The following NRXN3 variants were observed in gnomAD, a reference collection of about 807,000 sequenced individuals.
The protein encoded by NRXN3 is neurexin III.
In NRXN3, 32 loss-of-function variants were observed where a neutral mutation model predicts 137.6. The observed-to-expected ratio is 0.23, with a 90% CI of 0.18 to 0.31. NRXN3 has a LOEUF of 0.31. Ranked by LOEUF, NRXN3 falls within the 10% of genes least tolerant of loss-of-function variation. The pLI, the probability that NRXN3 is intolerant of heterozygous loss-of-function variation, is 1.00. For synonymous variants in NRXN3, 798 were observed against 784.5 expected, an observed-to-expected ratio of 1.02 and a Z score of -0.29; for missense variants, 1,574 against 2,062.5, an observed-to-expected ratio of 0.76 and a Z score of 4.59.
Position 79,864,509 on chromosome 14 carries a change from A to G in NRXN3, c.*2545A>G, listed in dbSNP as rs1727014387. ...TGTCATATCTTATTAAAAGCCGAGT[A>G]AGAGCTAGACCACTTTCATGTGATA... is the stretch of plus-strand genomic sequence containing the variant. On this transcript the variant is annotated 3_prime_UTR_variant, in exon 21 of 21. Coordinates refer to ENST00000335750, the MANE Select transcript of NRXN3 (RefSeq NM_001330195.2). 6.6e-6 allele frequency: 1 copy of G among 152,630 alleles called. No homozygotes were observed. The highest frequency in any genetic ancestry group is 6.5e-5 in the Admixed American group (1 of 15,284). 9.5% of individuals were successfully genotyped at this position (152,630 alleles called of 1,614,324 possible). A position where few individuals can be genotyped will look rare whatever the true frequency, so the allele number is the denominator to read the frequency against.
intron 15 of NRXN3, among the ~76,000 whole-genome samples, chr14:79,124,652 C>G (rs1050101124): frequency 1.3e-5 from 2 of 152,078 alleles, no homozygotes; most frequent in African/African-American, 4.8e-5. Context: ...TGGGACTTCC[C>G]CAGGCAAACA....
intron 15 of NRXN3, chr14:79,280,845 G>A: frequency 3.2e-6 from 1 of 314,516 alleles, no homozygotes; most frequent in African/African-American, 2.1e-5. Context: ...CCACCCCCAC[G>A]GAGACAGGCA....
chr14:78,333,722 T>A (rs1339924459), intron 4 of NRXN3, among the ~76,000 whole-genome samples: 1 of 151,942 alleles, frequency 6.6e-6, no homozygotes, highest in African/African-American at 2.4e-5. Context: ...GTGGTTGAGG[T>A]GTGTGTGGGG....
At chr14:79,828,336 A>G (rs939084801) in intron 20 of NRXN3, among the ~76,000 whole-genome samples, 1 of 151,972 alleles carries the variant, frequency 6.6e-6, no homozygotes, top group Admixed American at 6.5e-5. Flanking sequence ...AAAAAGTGAC[A>G]TGGCTGGGCA....
intron 4 of NRXN3, among the ~76,000 whole-genome samples, chr14:78,337,439 G>A (rs1225064387): frequency 6.6e-6 from 1 of 152,154 alleles, no homozygotes; most frequent in Non-Finnish European, 1.5e-5. Context: ...TGAGAGAAAA[G>A]GAAGGTAATG....
chr14:78,606,867 T>G lies in NRXN3; in HGVS notation c.758-38253T>G, dbSNP rs2097257399. On this transcript the variant is annotated intron_variant, in intron 4 of 20. Coordinates refer to ENST00000335750, the MANE Select transcript of NRXN3 (RefSeq NM_001330195.2). ...TTGGGGAATAAAAAAGTATGATGATTGTTTTTAAGTAACGTATAAACCTAA... is the reference window on the plus strand; with the variant it reads ...TTGGGGAATAAAAAAGTATGATGATGGTTTTTAAGTAACGTATAAACCTAA... Among the ~76,000 whole-genome samples, 8 of 152,354 alleles carry G rather than the reference T, an allele frequency of 5.3e-5. No individual in the cohort carries two copies. The South Asian group carries it at 1.4e-3, about 28-fold the overall frequency.
chr14:78,639,164 A>ATAG (rs1414825264), intron 4 of NRXN3, among the ~76,000 whole-genome samples: 1 of 152,248 alleles, frequency 6.6e-6, no homozygotes, highest in Non-Finnish European at 1.5e-5. Flanking sequence ...AGGCAAGGCA[A>ATAG]TAGTAGCCCA....
At chr14:79,180,234 G>A (rs902962742) in intron 15 of NRXN3, among the ~76,000 whole-genome samples, 14 of 152,144 alleles carry the variant, frequency 9.2e-5, no homozygotes, top group African/African-American at 3.4e-4. Context: ...TGACAATGTA[G>A]TCCAGTTGCC....
chr14:79,701,602 T>G (rs2098754808), intron 19 of NRXN3, among the ~76,000 whole-genome samples: 1 of 152,030 alleles, frequency 6.6e-6, no homozygotes, highest in African/African-American at 2.4e-5. Context: ...AGAGAGTACT[T>G]CCAGGGGCAG....
intron 19 of NRXN3, among the ~76,000 whole-genome samples, chr14:79,803,931 GTGTATATATATA>G (rs1347387265): frequency 2.1e-5 from 3 of 140,742 alleles, no homozygotes; most frequent in African/African-American, 5.4e-5. Context: ...ATATATGTGT[GTGTATATATATA>G]TGTATATATA....
chr14:78,484,995 G>T lies in NRXN3; in HGVS notation c.758-160125G>T, dbSNP rs1304978130. ...AGCACACTCCTTTGGGATGGGCTCA[G>T]TCACCCTTATAATGCATTAACTCTT... On this transcript the variant is annotated intron_variant, in intron 4 of 20. Coordinates refer to ENST00000335750, the MANE Select transcript of NRXN3 (RefSeq NM_001330195.2). Among the ~76,000 whole-genome samples the T allele has an allele frequency of 2.6e-5, 4 of 152,156 alleles. No individual in the cohort carries two copies. The East Asian group carries it at 7.7e-4, about 29-fold the overall frequency.
At chr14:78,562,748 A>G (rs948419004) in intron 4 of NRXN3, among the ~76,000 whole-genome samples, 14 of 152,206 alleles carry the variant, frequency 9.2e-5, no homozygotes, top group African/African-American at 3.4e-4. Context: ...GAGAAATAAC[A>G]TTGTTTTAAG....
At chr14:79,138,522 C>T (rs11845182) in intron 15 of NRXN3, among the ~76,000 whole-genome samples, 149,649 of 152,338 alleles carry the variant, frequency 0.98, 73,556 homozygotes, top group Middle Eastern at 1. Context: ...AGTGCAATGA[C>T]TCTTGAAGAT....
At chr14:78,647,219 G>A (rs568672965) in intron 5 of NRXN3, among the ~76,000 whole-genome samples, 22 of 152,324 alleles carry the variant, frequency 1.4e-4, no homozygotes, top group African/African-American at 5.3e-4. Context: ...AAACCAAACT[G>A]TAATTCAAAT....
intron 16 of NRXN3, among the ~76,000 whole-genome samples, chr14:79,572,029 G>A (rs2097608621): frequency 6.6e-6 from 1 of 152,084 alleles, no homozygotes; most frequent in African/African-American, 2.4e-5. Context: ...AGTATTGATT[G>A]TTGAGTCCTG....
At chr14:78,974,074 G>T (rs886626506) in intron 14 of NRXN3, among the ~76,000 whole-genome samples, 1 of 151,876 alleles carries the variant, frequency 6.6e-6, no homozygotes, top group Non-Finnish European at 1.5e-5. Context: ...TTAAATAAAA[G>T]AATATACACT....
At chr14:78,990,518 C>T (rs923687280) in intron 15 of NRXN3, among the ~76,000 whole-genome samples, 28 of 151,862 alleles carry the variant, frequency 1.8e-4, no homozygotes, top group African/African-American at 5.6e-4. Flanking sequence ...ATTACAGGTG[C>T]CTGCCACTAC....
intron 15 of NRXN3, among the ~76,000 whole-genome samples, chr14:79,396,577 G>T (rs1422212409): frequency 6.6e-6 from 1 of 152,110 alleles, no homozygotes; most frequent in Non-Finnish European, 1.5e-5. Context: ...TTGTGTACAG[G>T]TAGGAATGAG....
chr14:79,787,981 C>T (rs1482788169), intron 19 of NRXN3, among the ~76,000 whole-genome samples: 1 of 152,094 alleles, frequency 6.6e-6, no homozygotes, highest in African/African-American at 2.4e-5. Context: ...CTAGTCTGTT[C>T]TCATGCTGCT....
Sources: gnomAD v4.1 joint callset for allele counts (sites outside exome capture counted in the v4.1 genomes callset) on GRCh38, gnomAD v4.1.1 for gene constraint, MANE v1.5 for transcripts, NCBI Gene and HGNC (gene_info 2026-07-23, HGNC 2026-07-21) for gene names.